Variants in CCPG1 observed in about 807,000 individuals in gnomAD.
CCPG1 encodes cell cycle progression protein 1.
Under a neutral mutation model 81.3 loss-of-function variants are expected in CCPG1, and 46 were observed. That is an observed-to-expected ratio of 0.57 (90% confidence interval 0.45 to 0.72). CCPG1 has a LOEUF of 0.72. CCPG1 is among the 30% of genes least tolerant of loss of function. CCPG1 has a pLI of 0.00. For missense variants in CCPG1, 902 were observed against 937.6 expected (o/e 0.96, Z 0.50); for synonymous variants, 330 against 305.2 (o/e 1.08, Z -0.85).
At chr15:55,387,302 T>G (rs1420133150) in intron 2 of CCPG1, among the ~76,000 whole-genome samples, 2 of 152,224 alleles carry the variant, frequency 1.3e-5, no homozygotes, top group Admixed American at 6.5e-5. Context: ...GCTCCTATAT[T>G]GTTAATTATC....
chr15:55,396,201 G>A (rs952719354), intron 1 of CCPG1, among the ~76,000 whole-genome samples: 15 of 150,990 alleles, frequency 9.9e-5, no homozygotes, highest in Admixed American at 9.9e-4. Flanking sequence ...AAATCCATGA[G>A]CTTCCTCTCC....
At position 55,386,971 on chromosome 15, in the gene CCPG1, G is replaced by A. The variant is rs528912312; in HGVS notation, c.61-1257C>T. Among the ~76,000 whole-genome samples the A allele has an allele frequency of 2.0e-5, 3 of 152,244 alleles. No individual in the cohort carries two copies. In the East Asian group the frequency reaches 5.8e-4, roughly 29 times the overall value. The stretch of plus-strand genomic sequence containing the variant: ...AGAATTCGGAATGCAAGACTCCGAG[G>A]TTGTCTATAGTGGCAGGAGAATGGT... On this transcript the variant is annotated intron_variant, in intron 2 of 8. Coordinates refer to ENST00000442196, the MANE Select transcript of CCPG1 (RefSeq NM_001204450.2).
chr15:55,356,022 G>A lies in CCPG1; in HGVS notation c.*198C>T, dbSNP rs1023721018. The A allele has an allele frequency of 1.9e-5, 10 of 513,740 alleles. No homozygotes were observed. Among genetic ancestry groups the A allele is most frequent in the Middle Eastern group, 5.0e-4 (1 of 2,016 alleles). 31.8% of individuals were successfully genotyped at this position (513,740 alleles called of 1,614,324 possible). Reference sequence around the variant, plus strand: ...TTTCCAGTGTCAAAAAAAATTCAACGAAGCTAAACTACAGGAAAATGCAGG... The same window carrying A: ...TTTCCAGTGTCAAAAAAAATTCAACAAAGCTAAACTACAGGAAAATGCAGG... On this transcript the variant is annotated 3_prime_UTR_variant, in exon 9 of 9. Transcript: ENST00000442196.
At position 55,389,453 on chromosome 15, in the gene CCPG1, T is replaced by C. The variant is rs765389809; in HGVS notation, c.-9-20A>G. Reference sequence around the variant, plus strand: ...TCAGGTCTACAAATACAAAAACATATTGACTCATGAGACACATTTTTTTTA... The same window carrying C: ...TCAGGTCTACAAATACAAAAACATACTGACTCATGAGACACATTTTTTTTA... On this transcript the variant is annotated intron_variant, in intron 1 of 8. Coordinates refer to ENST00000442196, the MANE Select transcript of CCPG1 (RefSeq NM_001204450.2). 28 of 1,544,464 alleles carry C rather than the reference T, an allele frequency of 1.8e-5. No homozygotes were observed. Among genetic ancestry groups the C allele is most frequent in the East Asian group, 2.2e-5 (1 of 44,476 alleles).
intron 3 of CCPG1, among the ~76,000 whole-genome samples, chr15:55,379,908 G>T (rs796679507): frequency 3.7e-4 from 56 of 152,056 alleles, no homozygotes; most frequent in African/African-American, 1.3e-3. Context: ...AGACCAGCCT[G>T]GCTAACACGG....
intron 1 of CCPG1, among the ~76,000 whole-genome samples, chr15:55,391,706 G>A (rs2056916908): frequency 6.6e-6 from 1 of 151,942 alleles, no homozygotes; most frequent in African/African-American, 2.4e-5. Flanking sequence ...GAAGATTTCT[G>A]GAGCCGGAAG....
At chr15:55,367,624 A>G (rs1411220480) in intron 6 of CCPG1, among the ~76,000 whole-genome samples, 1 of 230 alleles carries the variant, frequency 4.3e-3, no homozygotes, top group Non-Finnish European at 0.071. Flanking sequence ...GTAGGGTGGA[A>G]AAAAAAAAAA....
rs752605059 is a variant in CCPG1 at position 55,360,362 on chromosome 15, C to T, written c.1411G>A (p.Gly471Ser). 1.2e-6 allele frequency: 2 copies of T among 1,613,870 alleles called. No individual in the cohort carries two copies. The highest frequency in any genetic ancestry group is 1.1e-5 in the South Asian group (1 of 91,062). The change falls in exon 8 of 9, where the codon GGC becomes AGC. Residue 471 changes from glycine (G) to serine (S), a missense_variant. Physicochemically the swap from Gly to Ser is moderately conservative, Grantham distance 56 (BLOSUM62 0). Around this residue, in one of 3 missense-constraint regions of CCPG1, gnomAD observed 746 missense variants for 728.6 expected, o/e 1.02. Coordinates refer to ENST00000442196, the MANE Select transcript of CCPG1 (RefSeq NM_001204450.2). ...TTTTTAGCCCTGTGGCTTCCTCTGC[C>T]CCCTTTCTTTTTTCCATCTGTTCCT... Reference protein sequence around the residue: ...KQGTDGKKKGGRGSHRAKNKS... With the variant: ...KQGTDGKKKGSRGSHRAKNKS...
At chr15:55,393,100 G>A (rs989425567) in intron 1 of CCPG1, among the ~76,000 whole-genome samples, 18 of 151,626 alleles carry the variant, frequency 1.2e-4, no homozygotes, top group East Asian at 1.9e-4. Flanking sequence ...GGGAAACTCC[G>A]TCTCAAAATA....
chr15:55,391,894 G>GGGC (rs1555409784), intron 1 of CCPG1, among the ~76,000 whole-genome samples: 2 of 114,496 alleles, frequency 1.7e-5, no homozygotes, highest in African/African-American at 5.5e-5. Context: ...AAAAGGGGGG[G>GGGC]GGGGGCTAGG....
intron 1 of CCPG1, among the ~76,000 whole-genome samples, chr15:55,393,476 A>C (rs999400718): frequency 6.6e-6 from 1 of 152,182 alleles, no homozygotes; most frequent in African/African-American, 2.4e-5. Context: ...GAAGCAACTC[A>C]ACAACCCTAG....
In CCPG1 at chr15:55,360,937, T is replaced by A; in HGVS notation, c.836A>T (p.Lys279Ile). The part of the protein sequence containing the change: ...QESFIDYKSL[K>I]ENLARCWTLT... The stretch of plus-strand genomic sequence containing the variant: ...TGTCCAACACCTTGCAAGATTTTCT[T>A]TCAATGACTACATTTTTTTTTGAAA... Residue 279 changes from lysine (K) to isoleucine (I), a missense_variant, in exon 8 of 9, where the codon AAA (lysine) becomes ATA (isoleucine). Physicochemically the swap from Lys to Ile is moderately radical, Grantham distance 102 (BLOSUM62 -3). This residue lies in a region of CCPG1 where 746 missense variants were observed against 728.6 expected (regional missense o/e 1.02). Coordinates refer to ENST00000442196, the MANE Select transcript of CCPG1 (RefSeq NM_001204450.2). The A allele has an allele frequency of 6.5e-7, 1 of 1,531,362 alleles. No homozygotes were observed. The highest frequency in any genetic ancestry group is 8.7e-7 in the Non-Finnish European group (1 of 1,144,458). The allele number at this position is 1,531,362 out of a possible 1,614,324, so 94.9% of individuals were successfully genotyped here. A position where few individuals can be genotyped will look rare whatever the true frequency, so the allele number is the denominator to read the frequency against.
chr15:55,362,089 G>T lies in CCPG1; in HGVS notation c.829-1145C>A, dbSNP rs1026514703. On this transcript the variant is annotated intron_variant, in intron 7 of 8. Coordinates refer to ENST00000442196, the MANE Select transcript of CCPG1 (RefSeq NM_001204450.2). Reference sequence around the variant, plus strand: ...TATAGAATTTTACTGCTTCAATAAGGGTATCCTTGACTGATTTGAATTTTC... The same window carrying T: ...TATAGAATTTTACTGCTTCAATAAGTGTATCCTTGACTGATTTGAATTTTC... Among the ~76,000 whole-genome samples the T allele has an allele frequency of 9.2e-5, 14 of 152,080 alleles. 1 individual carries two copies. The highest frequency in any genetic ancestry group is 7.2e-4 in the Admixed American group (11 of 15,278).
chr15:55,357,074 G>C, intron 8 of CCPG1: 1 of 985,244 alleles, frequency 1.0e-6, no homozygotes, highest in Non-Finnish European at 1.2e-6. Flanking sequence ...GTTCTCCCAG[G>C]AGTCTGATAA....
rs2141281478 is a variant in CCPG1, at chr15:55,377,064, C to T, written c.339G>A (p.Lys113=). ...CTTCTTGATTTCCAATTTCTTCTAA[C>T]TTAGGTGGCTCAAGGGTAACAATAT... is the stretch of plus-strand genomic sequence containing the variant. ...DSDIVTLEPP[K]LEEIGNQEVV... is the part of the protein sequence containing the mutation. The change falls in exon 5 of 9, where the codon AAG becomes AAA. Residue 113 remains lysine, a synonymous_variant. Coordinates refer to ENST00000442196, the MANE Select transcript of CCPG1 (RefSeq NM_001204450.2). 3 of 1,613,730 alleles carry T rather than the reference C, an allele frequency of 1.9e-6. No homozygotes were observed. The highest frequency in any genetic ancestry group is 2.2e-5 in the South Asian group (2 of 91,080).
intron 2 of CCPG1, among the ~76,000 whole-genome samples, chr15:55,388,836 C>T (rs1008086382): frequency 3.3e-5 from 5 of 150,650 alleles, no homozygotes; most frequent in African/African-American, 1.2e-4. Flanking sequence ...GTTGGGAAGC[C>T]GAGGCAGATG....
In CCPG1 at chr15:55,383,939, TAAG is replaced by T. The variant is rs149727704; in HGVS notation, c.175+1658_175+1660del. Reference sequence around the variant, plus strand: ...GCTTCCTTATCATTCATGTGTTCACTAAGAAGGACTTTTAATTTCCTTCAAGAA... The same window carrying T: ...GCTTCCTTATCATTCATGTGTTCACTAAGGACTTTTAATTTCCTTCAAGAA... On this transcript the variant is annotated intron_variant, in intron 3 of 8. Transcript: ENST00000442196. Among the ~76,000 whole-genome samples the T allele has an allele frequency of 1.4e-3, 215 of 152,356 alleles. 2 individuals carry two copies. The East Asian group carries it at 0.029, about 20-fold the overall frequency.
rs759914181 is a variant in CCPG1, at chr15:55,365,318, A to C, written c.707-9T>G. On this transcript the variant is annotated splice_polypyrimidine_tract_variant and intron_variant, in intron 6 of 8. Transcript: ENST00000442196. ...CTGAATCTGAATTGTGCCTAAAATA[A>C]ATATTTTTATTAAAGGTATGTAACA... is the stretch of plus-strand genomic sequence containing the variant. 1.3e-6 allele frequency: 2 copies of C among 1,488,528 alleles called. No homozygotes were observed. The highest frequency in any genetic ancestry group is 2.8e-5 in the African/African-American group (2 of 70,848). The allele number at this position is 1,488,528 out of a possible 1,614,324, so 92.2% of individuals were successfully genotyped here.
intron 7 of CCPG1, among the ~76,000 whole-genome samples, chr15:55,362,542 TAGAAG>T (rs2056224618): frequency 6.6e-6 from 1 of 151,980 alleles, no homozygotes; most frequent in African/African-American, 2.4e-5. Flanking sequence ...GACTGTGGAG[TAGAAG>T]AGACTGATGC....
Sources: gnomAD v4.1 joint callset for allele counts (sites outside exome capture counted in the v4.1 genomes callset) on GRCh38, gnomAD v4.1.1 for gene constraint, gnomAD v4.1.1 regional missense constraint, MANE v1.5 for transcripts, NCBI Gene and HGNC (gene_info 2026-07-23, HGNC 2026-07-21) for gene names.